Variants in CRACD observed in about 807,000 individuals in gnomAD.
CRACD encodes capping protein-inhibiting regulator of actin dynamics.
A neutral mutation model predicts 106.8 loss-of-function variants in CRACD; 56 were observed. The observed-to-expected ratio is 0.52, with a 90% CI of 0.42 to 0.66. CRACD has a LOEUF of 0.66. CRACD is among the 30% of genes least tolerant of loss of function. The pLI, the probability that CRACD is intolerant of heterozygous loss-of-function variation, is 0.00. For missense variants in CRACD, 1,730 were observed against 1,623.2 expected (o/e 1.07, Z -1.13); for synonymous variants, 754 against 670.8 (o/e 1.12, Z -1.92).
At chr4:56,210,127 A>C (rs1738325532) in intron 2 of CRACD, among the ~76,000 whole-genome samples, 1 of 152,224 alleles carries the variant, frequency 6.6e-6, no homozygotes, top group Admixed American at 6.5e-5. Context: ...AGAACTCTTA[A>C]TTCAGAGGCT....
chr4:56,056,042 T>C (rs1732049187), intron 1 of CRACD, among the ~76,000 whole-genome samples: 1 of 152,234 alleles, frequency 6.6e-6, no homozygotes, highest in South Asian at 2.1e-4. Flanking sequence ...GCCATTTCTG[T>C]TGAACTTTCA....
intron 2 of CRACD, among the ~76,000 whole-genome samples, chr4:56,181,132 C>T (rs1192575665): frequency 1.3e-5 from 2 of 152,112 alleles, no homozygotes; most frequent in Non-Finnish European, 2.9e-5. Context: ...AAACACGTTA[C>T]TAGGATATTA....
intron 1 of CRACD, among the ~76,000 whole-genome samples, chr4:56,111,567 A>C (rs999166945): frequency 6.6e-6 from 1 of 152,226 alleles, no homozygotes; most frequent in African/African-American, 2.4e-5. Flanking sequence ...TTTGAGACGA[A>C]GTCTCGCTCT....
At position 56,296,398 on chromosome 4, in the gene CRACD, G is replaced by A. The variant is rs140075870; in HGVS notation, c.-16-1816G>A. On this transcript the variant is annotated intron_variant, in intron 3 of 10. Coordinates refer to ENST00000682029, the MANE Select transcript of CRACD (RefSeq NM_001393381.1). ...TATTATTATTGCCTAAGATCACATA[G>A]CCAGGAGGCTCACATCCAAGTCTTT... Among the ~76,000 whole-genome samples the A allele has an allele frequency of 2.9e-3, 437 of 151,994 alleles. 4 individuals carry two copies. Among genetic ancestry groups the A allele is most frequent in the African/African-American group, 9.8e-3 (405 of 41,440 alleles).
chr4:56,095,895 T>C (rs1484772633), intron 1 of CRACD, among the ~76,000 whole-genome samples: 1 of 152,172 alleles, frequency 6.6e-6, no homozygotes, highest in East Asian at 1.9e-4. Flanking sequence ...TAGTGAGATA[T>C]GGTTTTTATA....
chr4:56,236,391 T>G (rs1014853175), intron 2 of CRACD, among the ~76,000 whole-genome samples: 1 of 152,222 alleles, frequency 6.6e-6, no homozygotes, highest in African/African-American at 2.4e-5. Flanking sequence ...CAGCATCTTT[T>G]GTTTAAGCCT....
chr4:56,285,284 A>G (rs1743273003), intron 3 of CRACD, among the ~76,000 whole-genome samples: 1 of 152,196 alleles, frequency 6.6e-6, no homozygotes, highest in African/African-American at 2.4e-5. Context: ...CACAAATCCA[A>G]ACCTCATCAA....
intron 1 of CRACD, among the ~76,000 whole-genome samples, chr4:56,156,232 G>A (rs890582043): frequency 3.9e-5 from 6 of 152,200 alleles, no homozygotes; most frequent in African/African-American, 1.4e-4. Context: ...AAGGTGCTGG[G>A]ATTACAGGCA....
chr4:56,139,776 CT>C (rs1735130184), intron 1 of CRACD, among the ~76,000 whole-genome samples: 1 of 152,010 alleles, frequency 6.6e-6, no homozygotes, highest in South Asian at 2.1e-4. Context: ...AAAAAAATGC[CT>C]TTTTTGCATT....
At chr4:56,236,709 A>G (rs1739985473) in intron 2 of CRACD, among the ~76,000 whole-genome samples, 1 of 152,058 alleles carries the variant, frequency 6.6e-6, no homozygotes, top group Admixed American at 6.6e-5. Context: ...ATTAATTTAG[A>G]TGCAACCAAT....
intron 1 of CRACD, among the ~76,000 whole-genome samples, chr4:56,102,618 C>T (rs1186844286): frequency 3.9e-5 from 6 of 152,182 alleles, no homozygotes; most frequent in East Asian, 1.9e-4. Flanking sequence ...AGAGTGTGTG[C>T]CAATTACATA....
intron 2 of CRACD, among the ~76,000 whole-genome samples, chr4:56,219,250 TGAAGCAAATTTGA>T (rs1385639911): frequency 6.6e-6 from 1 of 152,190 alleles, no homozygotes; most frequent in Non-Finnish European, 1.5e-5. Flanking sequence ...CAGTAGGTTA[TGAAGCAAATTTGA>T]GAACAGTAAG....
At chr4:56,313,405 C>G (rs78147125) in intron 7 of CRACD, 26 bp downstream of exon 7, 106,893 of 1,592,816 alleles carry the variant, frequency 0.067, 4,771 homozygotes, top group East Asian at 0.23. Context: ...ACGGGCTGAC[C>G]AGGCAGGTGC....
At chr4:56,204,106 T>A (rs989118111) in intron 2 of CRACD, among the ~76,000 whole-genome samples, 2 of 152,230 alleles carry the variant, frequency 1.3e-5, no homozygotes, top group African/African-American at 2.4e-5. Flanking sequence ...GGATTCTACC[T>A]GCCTCCAGCA....
intron 5 of CRACD, chr4:56,308,780 T>G: frequency 8.1e-7 from 1 of 1,241,594 alleles, no homozygotes; most frequent in Non-Finnish European, 1.0e-6. Flanking sequence ...AAATTGCTCT[T>G]CCCAACCTCT....
At chr4:56,220,211 C>T (rs1349432898) in intron 2 of CRACD, among the ~76,000 whole-genome samples, 1 of 152,122 alleles carries the variant, frequency 6.6e-6, no homozygotes, top group Admixed American at 6.5e-5. Flanking sequence ...CTTACTTTCA[C>T]CATAAGCTGA....
rs531865807 is a variant in CRACD at position 56,166,400 on chromosome 4, G to T, written c.-335-12884G>T. The stretch of plus-strand genomic sequence containing the variant: ...AAGTAAATTAAGAAATACTCATTTG[G>T]CTGGGTATGGTGGCTTAAACCTGTA... On this transcript the variant is annotated intron_variant, in intron 1 of 10. Transcript: ENST00000682029. Among the ~76,000 whole-genome samples the T allele has an allele frequency of 7.2e-5, 11 of 152,208 alleles. No homozygotes were observed. The East Asian group carries it at 2.1e-3, about 29-fold the overall frequency.
chr4:56,229,228 G>A (rs1739478457), intron 2 of CRACD, among the ~76,000 whole-genome samples: 1 of 152,214 alleles, frequency 6.6e-6, no homozygotes, highest in South Asian at 2.1e-4. Context: ...TCCCCAAGGT[G>A]ATGATATTAG....
chr4:56,052,269 A>T (rs1220765736), intron 1 of CRACD, among the ~76,000 whole-genome samples: 3 of 152,182 alleles, frequency 2.0e-5, no homozygotes, highest in East Asian at 1.9e-4. Flanking sequence ...ATCTGTAATT[A>T]AAAAATTCAT....
Sources: allele counts gnomAD v4.1 joint callset (sites outside exome capture counted in the v4.1 genomes callset), GRCh38; gene constraint gnomAD v4.1.1; transcripts MANE v1.5; gene names NCBI Gene and HGNC (gene_info 2026-07-23, HGNC 2026-07-21).